Variants in TMEM116 observed in about 807,000 individuals in gnomAD.
TMEM116 encodes transmembrane protein 116.
A neutral mutation model predicts 44.3 loss-of-function variants in TMEM116; 38 were observed. That is an observed-to-expected ratio of 0.86 (90% CI 0.66 to 1.12). The LOEUF is 1.12. Ranked by LOEUF, TMEM116 falls within the 50% of genes most tolerant of loss-of-function variation. The probability of loss-of-function intolerance (pLI) is 0.00; values close to 1 mark genes in which losing one functional copy is unlikely to be tolerated. For missense variants in TMEM116, 354 were observed against 401.7 expected (o/e 0.88, Z 1.01); for synonymous variants, 132 against 144.8 (o/e 0.91, Z 0.64).
chr12:111,960,571 A>G (rs927467519), intron 4 of TMEM116, among the ~76,000 whole-genome samples: 2 of 151,776 alleles, frequency 1.3e-5, no homozygotes, highest in Non-Finnish European at 2.9e-5. Context: ...CTGCTCCTGA[A>G]TGACTACTGG....
intron 1 of TMEM116, chr12:112,005,686 A>G (rs1191650644): frequency 1.0e-6 from 1 of 985,748 alleles, no homozygotes; most frequent in Non-Finnish European, 1.2e-6. Context: ...GGGAGAGAAA[A>G]CTAATAAAAG....
intron 4 of TMEM116, among the ~76,000 whole-genome samples, chr12:111,952,780 T>A (rs1263124844): frequency 6.6e-6 from 1 of 152,226 alleles, no homozygotes; most frequent in Non-Finnish European, 1.5e-5. Flanking sequence ...GGACTCAGAC[T>A]GGCTTCCTTG....
chr12:111,937,260 G>T lies in TMEM116; in HGVS notation c.366-17C>A, dbSNP rs1224738314. On this transcript the variant is annotated splice_polypyrimidine_tract_variant and intron_variant, in intron 6 of 10. Coordinates refer to ENST00000552374, the MANE Select transcript of TMEM116 (RefSeq NM_001193531.2). ...GGTATCAGGCTGGGAGGGAAAAAAA[G>T]TATCACCCTAATATCCACTCTTTTT... 6.3e-7 allele frequency: 1 copy of T among 1,596,894 alleles called. No individual in the cohort carries two copies. Among genetic ancestry groups the T allele is most frequent in the South Asian group, 1.1e-5 (1 of 90,580 alleles).
At chr12:111,985,860 G>C (rs2076199363) in intron 4 of TMEM116, among the ~76,000 whole-genome samples, 1 of 152,098 alleles carries the variant, frequency 6.6e-6, no homozygotes, top group Admixed American at 6.6e-5. Flanking sequence ...GCTTCCCAAA[G>C]CGCTGGGATT....
intron 4 of TMEM116, among the ~76,000 whole-genome samples, chr12:111,951,335 T>C (rs2136316372): frequency 6.6e-6 from 1 of 152,250 alleles, no homozygotes; most frequent in East Asian, 1.9e-4. Flanking sequence ...CAAAGGAATA[T>C]AAATCATTTT....
chr12:111,946,202 T>G (rs554587872), intron 4 of TMEM116, among the ~76,000 whole-genome samples: 6 of 152,276 alleles, frequency 3.9e-5, no homozygotes, highest in Non-Finnish European at 8.8e-5. Context: ...ATCCATACAT[T>G]CCCCTTGCCA....
Position 111,936,762 on chromosome 12 carries a change from C to A in TMEM116, c.518G>T (p.Cys173Phe). ...ELPPSANTSV[C>F]STLYFYGIAI... is the part of the protein sequence containing the mutation. ...GATACCATAAAAATAAAGTGTGCTACAGACAGATGTGTTGGCAGAAGGTGG... is the reference window on the plus strand; with the variant it reads ...GATACCATAAAAATAAAGTGTGCTAAAGACAGATGTGTTGGCAGAAGGTGG... Residue 173 changes from cysteine (C) to phenylalanine (F), a missense_variant, in exon 8 of 11, where the codon TGT becomes TTT. Coordinates refer to ENST00000552374, the MANE Select transcript of TMEM116 (RefSeq NM_001193531.2). 1 of 1,613,962 alleles carries A rather than the reference C, an allele frequency of 6.2e-7. No homozygotes were observed. Among genetic ancestry groups the A allele is most frequent in the Non-Finnish European group, 8.5e-7 (1 of 1,179,926 alleles).
At chr12:112,009,843 C>CAA (rs761769238) in intron 1 of TMEM116, among the ~76,000 whole-genome samples, 15 of 112,034 alleles carry the variant, frequency 1.3e-4, no homozygotes, top group Admixed American at 5.4e-4. Flanking sequence ...GACTCTGTCT[C>CAA]AAAAAAAAAA....
chr12:112,005,445 A>C, intron 1 of TMEM116, 142 bp from the exon 2 acceptor site: 1 of 605,296 alleles, frequency 1.7e-6, no homozygotes, highest in Non-Finnish European at 2.4e-6. Context: ...AGAATGAGTT[A>C]AAAGGCTGAA....
At chr12:111,995,746 T>C (rs1437562323) in intron 3 of TMEM116, among the ~76,000 whole-genome samples, 1 of 151,914 alleles carries the variant, frequency 6.6e-6, no homozygotes, top group Non-Finnish European at 1.5e-5. Context: ...TAATCAGTTC[T>C]AGGTCAGGCT....
chr12:112,006,645 T>C (rs549124671), intron 1 of TMEM116, among the ~76,000 whole-genome samples: 7 of 152,324 alleles, frequency 4.6e-5, no homozygotes, highest in Admixed American at 3.3e-4. Flanking sequence ...GCTTATAATA[T>C]AGTAGGAAAA....
intron 3 of TMEM116, among the ~76,000 whole-genome samples, chr12:111,996,645 T>C (rs753774576): frequency 3.9e-5 from 6 of 152,130 alleles, no homozygotes; most frequent in Non-Finnish European, 8.8e-5. Flanking sequence ...ACAATTCTGA[T>C]ATTGGGCAAA....
chr12:111,996,400 G>C (rs1219836164), intron 3 of TMEM116, among the ~76,000 whole-genome samples: 1 of 152,004 alleles, frequency 6.6e-6, no homozygotes, highest in Non-Finnish European at 1.5e-5. Flanking sequence ...TTTAACAAAA[G>C]AGGAAATCCA....
intron 4 of TMEM116, among the ~76,000 whole-genome samples, chr12:111,980,478 C>T (rs573834611): frequency 9.1e-4 from 139 of 152,194 alleles, no homozygotes; most frequent in African/African-American, 3.3e-3. Context: ...CTGGATGATA[C>T]TATAATGGTG....
chr12:111,962,729 C>G (rs1199376598), intron 4 of TMEM116, among the ~76,000 whole-genome samples: 2 of 152,144 alleles, frequency 1.3e-5, no homozygotes, highest in African/African-American at 4.8e-5. Context: ...AAAACCTAGG[C>G]AATACCATTC....
chr12:111,940,464 CAT>C (rs201362551), intron 5 of TMEM116, among the ~76,000 whole-genome samples: 6 of 129,764 alleles, frequency 4.6e-5, no homozygotes, highest in Non-Finnish European at 4.8e-5. Context: ...CTGCCCCCCA[CAT>C]ATATATATAT....
At chr12:111,989,436 G>A (rs896271158) in intron 4 of TMEM116, among the ~76,000 whole-genome samples, 2 of 152,196 alleles carry the variant, frequency 1.3e-5, no homozygotes, top group Admixed American at 6.5e-5. Flanking sequence ...TCTACTATGC[G>A]TGTGCATGAC....
rs1452904726 is a variant in TMEM116 at position 111,940,523 on chromosome 12, G to GTGTGTATATATATA, written c.316-2314_316-2313insTATATATATACACA. On this transcript the variant is annotated intron_variant, in intron 5 of 10. Coordinates refer to ENST00000552374, the MANE Select transcript of TMEM116 (RefSeq NM_001193531.2). ...CATATATATACACACATATATATGT[G>GTGTGTATATATATA]TATATATATATATATATATATACAC... Among the ~76,000 whole-genome samples the GTGTGTATATATATA allele has an allele frequency of 2.9e-5, 3 of 104,952 alleles. No homozygotes were observed. In the East Asian group the frequency reaches 2.0e-3, roughly 70 times the overall value. The allele number at this position is 104,952 out of a possible 152,430, so 68.9% of individuals were successfully genotyped here. A position where few individuals can be genotyped will look rare whatever the true frequency, so the allele number is the denominator to read the frequency against.
chr12:112,002,684 C>A (rs965135615), intron 3 of TMEM116, among the ~76,000 whole-genome samples: 3 of 152,124 alleles, frequency 2.0e-5, no homozygotes, highest in African/African-American at 7.2e-5. Context: ...TGAAATGGGC[C>A]TAATACTATC....
Sources: gnomAD v4.1 joint callset for allele counts (sites outside exome capture counted in the v4.1 genomes callset) on GRCh38, gnomAD v4.1.1 for gene constraint, MANE v1.5 for transcripts, NCBI Gene and HGNC (gene_info 2026-07-23, HGNC 2026-07-21) for gene names.